The following CADPS2 variants were observed in gnomAD, a reference collection of about 807,000 sequenced individuals.
CADPS2 encodes the protein calcium-dependent secretion activator 2.
CADPS2 carries 93 observed loss-of-function variants against 172.5 expected under a neutral mutation model. That is an observed-to-expected ratio of 0.54 (90% CI 0.46 to 0.64). The LOEUF is 0.64. Among genes scored for constraint, CADPS2 ranks in the 30% least tolerant of loss-of-function variants. The pLI is 0.00. For synonymous variants in CADPS2, 546 were observed against 555.2 expected, an observed-to-expected ratio of 0.98 and a Z score of 0.23; for missense variants, 1,420 against 1,565.9, an observed-to-expected ratio of 0.91 and a Z score of 1.57.
chr7:122,583,432 T>C (rs976791265), intron 6 of CADPS2, among the ~76,000 whole-genome samples: 63 of 151,914 alleles, frequency 4.1e-4, no homozygotes, highest in African/African-American at 1.4e-3. Flanking sequence ...GAATTTTATA[T>C]TTATCACTCC....
At chr7:122,717,606 A>G (rs2089795149) in intron 2 of CADPS2, among the ~76,000 whole-genome samples, 2 of 152,132 alleles carry the variant, frequency 1.3e-5, no homozygotes, top group Admixed American at 1.3e-4. Flanking sequence ...GAGGGTAAAC[A>G]ACACTCTAAT....
At position 122,645,725 on chromosome 7, in the gene CADPS2, C is replaced by T. The variant is rs558427226; in HGVS notation, c.787-16397G>A. 1.9e-4 allele frequency among the ~76,000 whole-genome samples: 26 copies of T among 135,182 alleles called. 1 individual carries two copies. The highest frequency in any genetic ancestry group is 2.2e-4 in the East Asian group (1 of 4,452). 88.7% of individuals were successfully genotyped at this position (135,182 alleles called of 152,430 possible). ...AGTTAGATCCACTGGAAAAAAACTG[C>T]GGTAATAAAGAACAAGTTCACTGTG... On this transcript the variant is annotated intron_variant, in intron 3 of 29. Coordinates refer to ENST00000449022, the MANE Select transcript of CADPS2 (RefSeq NM_017954.11).
chr7:122,811,311 T>G (rs190345319), intron 1 of CADPS2, among the ~76,000 whole-genome samples: 1 of 152,162 alleles, frequency 6.6e-6, no homozygotes, highest in Non-Finnish European at 1.5e-5. Context: ...GCCTTCCAAG[T>G]TAATCTGGAG....
At chr7:122,696,232 G>A (rs1028912984) in intron 2 of CADPS2, among the ~76,000 whole-genome samples, 5 of 152,152 alleles carry the variant, frequency 3.3e-5, no homozygotes, top group Non-Finnish European at 7.3e-5. Context: ...TCTCTCTTCA[G>A]TGTGGTCCCT....
chr7:122,791,773 AGGCCTATCAG>A (rs1185075778), intron 1 of CADPS2, among the ~76,000 whole-genome samples: 2 of 152,238 alleles, frequency 1.3e-5, no homozygotes, highest in Admixed American at 6.5e-5. Context: ...TCAAAATTAA[AGGCCTATCAG>A]AAATTACCAA....
chr7:122,587,259 C>T (rs1587612936), intron 6 of CADPS2, among the ~76,000 whole-genome samples: 1 of 152,110 alleles, frequency 6.6e-6, no homozygotes, highest in African/African-American at 2.4e-5. Flanking sequence ...TAATACTTTT[C>T]CTCCTCCCAT....
intron 1 of CADPS2, among the ~76,000 whole-genome samples, chr7:122,743,635 G>A (rs1257089761): frequency 6.6e-6 from 1 of 152,270 alleles, no homozygotes; most frequent in South Asian, 2.1e-4. Context: ...TAATAAAAAT[G>A]AGAAAGGTTT....
chr7:122,707,121 T>C (rs562908966), intron 2 of CADPS2, among the ~76,000 whole-genome samples: 1 of 151,952 alleles, frequency 6.6e-6, no homozygotes, highest in Admixed American at 6.6e-5. Flanking sequence ...TCTAAATTCC[T>C]GAAGTATCCC....
At chr7:122,753,937 A>C (rs1198008019) in intron 1 of CADPS2, among the ~76,000 whole-genome samples, 1 of 152,112 alleles carries the variant, frequency 6.6e-6, no homozygotes, top group Non-Finnish European at 1.5e-5. Flanking sequence ...AAACAGTTGA[A>C]TTTTAACATT....
intron 16 of CADPS2, 78 bp from the exon 17 acceptor site, chr7:122,438,542 AAAAT>A: frequency 6.7e-7 from 1 of 1,489,934 alleles, no homozygotes; most frequent in Non-Finnish European, 9.2e-7. Flanking sequence ...GATGTTGCAT[AAAAT>A]AAATACTAAA....
chr7:122,545,515 C>T (rs557699425), intron 8 of CADPS2, among the ~76,000 whole-genome samples: 2 of 152,202 alleles, frequency 1.3e-5, no homozygotes, highest in South Asian at 4.2e-4. Flanking sequence ...GGATTTGCAT[C>T]TAATCCCACA....
chr7:122,729,749 C>A (rs1449114833), intron 2 of CADPS2, among the ~76,000 whole-genome samples: 1 of 145,966 alleles, frequency 6.9e-6, no homozygotes, highest in Non-Finnish European at 1.5e-5. Context: ...GTCCCATCTT[C>A]CCCCTTCTAC....
intron 2 of CADPS2, among the ~76,000 whole-genome samples, chr7:122,717,832 CAAGGTCTTGCTCTGT>C: frequency 6.6e-6 from 1 of 152,036 alleles, no homozygotes. Flanking sequence ...TGTTTGAAGA[CAAGGTCTTGCTCTGT>C]CACCTACGCT....
At chr7:122,377,685 T>C (rs2042517614) in intron 25 of CADPS2, among the ~76,000 whole-genome samples, 1 of 152,136 alleles carries the variant, frequency 6.6e-6, no homozygotes, top group South Asian at 2.1e-4. Context: ...GAAATCTCAC[T>C]GCTCTTCCTC....
At chr7:122,336,490 C>G (rs900248270) in intron 28 of CADPS2, among the ~76,000 whole-genome samples, 1 of 152,178 alleles carries the variant, frequency 6.6e-6, no homozygotes, top group East Asian at 1.9e-4. Flanking sequence ...TGCAAGCATG[C>G]AAAGTCACAG....
chr7:122,613,031 T>C (rs191473604), intron 6 of CADPS2, among the ~76,000 whole-genome samples: 9 of 152,224 alleles, frequency 5.9e-5, no homozygotes, highest in East Asian at 5.8e-4. Context: ...TTACACCATA[T>C]ACAAAAATCA....
intron 7 of CADPS2, among the ~76,000 whole-genome samples, chr7:122,576,835 A>T (rs2068110113): frequency 6.8e-6 from 1 of 148,110 alleles, no homozygotes; most frequent in Non-Finnish European, 1.5e-5. Flanking sequence ...ATCTCGGCTC[A>T]TGAAACCTCT....
intron 1 of CADPS2, among the ~76,000 whole-genome samples, chr7:122,853,097 C>A (rs1461145590): frequency 6.6e-6 from 1 of 152,202 alleles, no homozygotes; most frequent in East Asian, 1.9e-4. Flanking sequence ...AGTGCCAGTC[C>A]TCTGTTTGGT....
At chr7:122,689,122 T>G (rs2083999753) in intron 2 of CADPS2, among the ~76,000 whole-genome samples, 1 of 152,154 alleles carries the variant, frequency 6.6e-6, no homozygotes, top group Non-Finnish European at 1.5e-5. Context: ...ATATTCCTGC[T>G]ATGCTACTCA....
Sources: allele counts gnomAD v4.1 joint callset (sites outside exome capture counted in the v4.1 genomes callset), GRCh38; gene constraint gnomAD v4.1.1; transcripts MANE v1.5; gene names NCBI Gene and HGNC (gene_info 2026-07-23, HGNC 2026-07-21).